B3GALT1: variants seen among roughly 807,000 people sequenced by gnomAD.
B3GALT1 encodes the protein UDP-Gal:betaGlcNAc beta 1,3-galactosyltransferase, polypeptide 1.
A neutral mutation model predicts 23.2 loss-of-function variants in B3GALT1; 10 were observed. The observed-to-expected ratio is 0.43, with a 90% confidence interval of 0.27 to 0.73. The LOEUF is 0.73. Among genes scored for constraint, B3GALT1 ranks in the 30% least tolerant of loss-of-function variants. The probability of loss-of-function intolerance (pLI) is 0.21; values close to 1 mark genes in which losing one functional copy is unlikely to be tolerated. For synonymous variants in B3GALT1, 156 were observed against 141.5 expected, an observed-to-expected ratio of 1.10 and a Z score of -0.73; for missense variants, 299 against 405.4, an observed-to-expected ratio of 0.74 and a Z score of 2.25.
intron 1 of B3GALT1, among the ~76,000 whole-genome samples, chr2:167,320,520 G>C (rs1410630369): frequency 1.3e-5 from 2 of 151,934 alleles, no homozygotes; most frequent in Non-Finnish European, 2.9e-5. Context: ...GCCTCTGGTG[G>C]TCTAAATCTA....
intron 2 of B3GALT1, among the ~76,000 whole-genome samples, chr2:167,545,287 G>T (rs1280232052): frequency 6.6e-6 from 1 of 151,796 alleles, no homozygotes; most frequent in Non-Finnish European, 1.5e-5. Context: ...CGCCCACCTC[G>T]GCCTCCCAAA....
intron 3 of B3GALT1, among the ~76,000 whole-genome samples, chr2:167,717,021 T>C (rs1161044707): frequency 6.6e-6 from 1 of 152,182 alleles, no homozygotes; most frequent in Non-Finnish European, 1.5e-5. Flanking sequence ...CACTAGACAA[T>C]GCTGTGATTT....
chr2:167,678,576 A>AG (rs751255297), intron 3 of B3GALT1, among the ~76,000 whole-genome samples: 1 of 152,052 alleles, frequency 6.6e-6, no homozygotes, highest in Non-Finnish European at 1.5e-5. Context: ...TGCTGTTGAA[A>AG]AAAATCAAAT....
At chr2:167,553,137 A>T (rs1206223183) in intron 2 of B3GALT1, among the ~76,000 whole-genome samples, 1 of 152,214 alleles carries the variant, frequency 6.6e-6, no homozygotes. Flanking sequence ...TTAGATAAGA[A>T]TGTCAGATTT....
chr2:167,826,472 T>G (rs1245897261), intron 4 of B3GALT1, among the ~76,000 whole-genome samples: 1 of 152,222 alleles, frequency 6.6e-6, no homozygotes, highest in Non-Finnish European at 1.5e-5. Flanking sequence ...CATAGCAGCC[T>G]GGTGCTCCCT....
chr2:167,783,260 G>A (rs981566939), intron 3 of B3GALT1, among the ~76,000 whole-genome samples: 9 of 152,032 alleles, frequency 5.9e-5, no homozygotes, highest in Non-Finnish European at 8.8e-5. Flanking sequence ...AAGAGTACAC[G>A]GAGGGAAAAA....
At chr2:167,724,296 C>T (rs1443901063) in intron 3 of B3GALT1, among the ~76,000 whole-genome samples, 1 of 152,220 alleles carries the variant, frequency 6.6e-6, no homozygotes, top group Non-Finnish European at 1.5e-5. Context: ...GGAAACCTCA[C>T]ATGCCTGATG....
chr2:167,507,336 C>T (rs1378322201), intron 2 of B3GALT1, among the ~76,000 whole-genome samples: 1 of 151,392 alleles, frequency 6.6e-6, no homozygotes, highest in Non-Finnish European at 1.5e-5. Flanking sequence ...GAAACTCCAT[C>T]TCTACTAAAA....
chr2:167,663,813 T>C (rs983858804), intron 3 of B3GALT1, among the ~76,000 whole-genome samples: 2 of 152,158 alleles, frequency 1.3e-5, no homozygotes, highest in Non-Finnish European at 2.9e-5. Context: ...GGGTTCTTTG[T>C]TTTTTTCTTG....
At chr2:167,763,690 GAA>G (rs35567239) in intron 3 of B3GALT1, among the ~76,000 whole-genome samples, 3 of 82,078 alleles carry the variant, frequency 3.7e-5, no homozygotes, top group Admixed American at 3.2e-4. Flanking sequence ...GACTCTGTCA[GAA>G]AAAAAAAAAA....
intron 4 of B3GALT1, among the ~76,000 whole-genome samples, chr2:167,852,467 GGTGTGT>G (rs66820655): frequency 0.049 from 7,171 of 146,464 alleles, 396 homozygotes; most frequent in African/African-American, 0.14. Context: ...TATTCGTGAT[GGTGTGT>G]GTGTGTGTGT....
intron 1 of B3GALT1, among the ~76,000 whole-genome samples, chr2:167,402,604 T>C (rs2105289975): frequency 6.6e-6 from 1 of 152,218 alleles, no homozygotes; most frequent in East Asian, 1.9e-4. Flanking sequence ...ACCTAGGAGG[T>C]AGGTATTATT....
chr2:167,755,385 C>T (rs77455180), intron 3 of B3GALT1, among the ~76,000 whole-genome samples: 2 of 151,446 alleles, frequency 1.3e-5, no homozygotes, highest in African/African-American at 2.4e-5. Flanking sequence ...GTTCACCCTC[C>T]TAGTGTTGCG....
At chr2:167,393,739 G>T (rs1423723037) in intron 1 of B3GALT1, among the ~76,000 whole-genome samples, 1 of 151,966 alleles carries the variant, frequency 6.6e-6, no homozygotes, top group Non-Finnish European at 1.5e-5. Flanking sequence ...TCAACTGCAG[G>T]CTTTTATATG....
At chr2:167,835,839 G>T (rs1311792824) in intron 4 of B3GALT1, among the ~76,000 whole-genome samples, 1 of 152,196 alleles carries the variant, frequency 6.6e-6, no homozygotes, top group African/African-American at 2.4e-5. Context: ...ACTTCCAGAG[G>T]AACGATCAGA....
intron 3 of B3GALT1, among the ~76,000 whole-genome samples, chr2:167,767,375 TG>T (rs1296331533): frequency 2.0e-5 from 3 of 152,204 alleles, no homozygotes; most frequent in African/African-American, 7.2e-5. Context: ...ATAAACTTTT[TG>T]TAAAGTATCA....
chr2:167,740,421 G>A (rs866787561), intron 3 of B3GALT1, among the ~76,000 whole-genome samples: 1 of 152,008 alleles, frequency 6.6e-6, no homozygotes, highest in Non-Finnish European at 1.5e-5. Flanking sequence ...AGATGTCTTT[G>A]GCCCAGCTGG....
chr2:167,517,896 T>C (rs964468357), intron 2 of B3GALT1, among the ~76,000 whole-genome samples: 2 of 152,110 alleles, frequency 1.3e-5, no homozygotes, highest in Non-Finnish European at 2.9e-5. Context: ...TCTAATTTTA[T>C]GAACTATCCT....
intron 1 of B3GALT1, among the ~76,000 whole-genome samples, chr2:167,339,105 G>A (rs752191936): frequency 2.0e-5 from 3 of 152,066 alleles, no homozygotes; most frequent in Non-Finnish European, 2.9e-5. Flanking sequence ...CTCCTTTTAT[G>A]TGTATACTCC....
Sources: gnomAD v4.1 joint callset for allele counts (sites outside exome capture counted in the v4.1 genomes callset) on GRCh38, gnomAD v4.1.1 for gene constraint, MANE v1.5 for transcripts, NCBI Gene and HGNC (gene_info 2026-07-23, HGNC 2026-07-21) for gene names.